NCAPD2: variants seen among roughly 807,000 people sequenced by gnomAD.
NCAPD2 encodes the protein non-SMC condensin I complex subunit D2.
Under a neutral mutation model 164.5 loss-of-function variants are expected in NCAPD2, and 100 were observed. The observed-to-expected ratio is 0.61, with a 90% CI of 0.52 to 0.72. NCAPD2 has a LOEUF of 0.72. Ranked by LOEUF, NCAPD2 falls within the 30% of genes least tolerant of loss-of-function variation. The pLI, the probability that NCAPD2 is intolerant of heterozygous loss-of-function variation, is 0.00. For synonymous variants in NCAPD2, 585 were observed against 642.6 expected, an observed-to-expected ratio of 0.91 and a Z score of 1.36; for missense variants, 1,560 against 1,749.2, an observed-to-expected ratio of 0.89 and a Z score of 1.93.
intron 2 of NCAPD2, among the ~76,000 whole-genome samples, chr12:6,505,700 G>A (rs1389884552): frequency 6.6e-6 from 1 of 151,876 alleles, no homozygotes; most frequent in African/African-American, 2.4e-5. Flanking sequence ...TTAGCCAGGT[G>A]TGGTAAATAT....
chr12:6,518,922 G>T (rs1311625981), intron 13 of NCAPD2, among the ~76,000 whole-genome samples: 1 of 151,570 alleles, frequency 6.6e-6, no homozygotes, highest in Non-Finnish European at 1.5e-5. Context: ...GTCTTGCTCT[G>T]TTGCCCAGGC....
chr12:6,530,064 T>TA, intron 29 of NCAPD2, 106 bp downstream of exon 29: 1 of 1,280,952 alleles, frequency 7.8e-7, no homozygotes, highest in Non-Finnish European at 1.1e-6. Context: ...CCGTCCTCCT[T>TA]ATCCCCAGCT....
Position 6,528,396 on chromosome 12 carries a change from G to A in NCAPD2, c.3299+68G>A. 7 of 1,587,242 alleles carry A rather than the reference G, an allele frequency of 4.4e-6. No individual in the cohort carries two copies. Among genetic ancestry groups the A allele is most frequent in the Non-Finnish European group, 6.0e-6 (7 of 1,158,522 alleles). The stretch of plus-strand genomic sequence containing the variant: ...CGGAGTCTGTTGAGAGTCAGTGTGA[G>A]AATCACCAGGGCTCTTCCCCTAGGC... On this transcript the variant is annotated intron_variant, in intron 25 of 31. Transcript: ENST00000315579. The surrounding 1 kb of genome is among the most constrained non-coding windows in gnomAD (Gnocchi z 5.1).
chr12:6,514,530 C>T lies in NCAPD2; in HGVS notation c.782C>T (p.Ala261Val). The change falls in exon 8 of 32, where the codon GCC becomes GTC. Residue 261 changes from alanine (A) to valine (V), a missense_variant. Coordinates refer to ENST00000315579, the MANE Select transcript of NCAPD2 (RefSeq NM_014865.4). ...CACCTGGCACCTGTACTGGTTGCAGCCGTGAGTCTATGGGCAACTGACTAT... is the reference window on the plus strand; with the variant it reads ...CACCTGGCACCTGTACTGGTTGCAGTCGTGAGTCTATGGGCAACTGACTAT... Reference protein sequence around the residue: ...FEHLAPVLVAAVSLWATDYGM... With the variant: ...FEHLAPVLVAVVSLWATDYGM... The T allele has an allele frequency of 1.2e-6, 2 of 1,614,180 alleles. No individual in the cohort carries two copies. Among genetic ancestry groups the T allele is most frequent in the Non-Finnish European group, 1.7e-6 (2 of 1,180,040 alleles).
Position 6,517,782 on chromosome 12 carries a change from C to T in NCAPD2, c.1412C>T (p.Ala471Val), listed in dbSNP as rs1465122570. Reference sequence around the variant, plus strand: ...ACTAAGTGACACTCTCATTTAGCTGCAGTGCTGGACCCAGAGGAGGAGTGG... The same window carrying T: ...ACTAAGTGACACTCTCATTTAGCTGTAGTGCTGGACCCAGAGGAGGAGTGG... ...RAQRRTAAAS[A>V]VLDPEEEWEA... The change falls in exon 13 of 32, where the codon GCA becomes GTA. Residue 471 changes from alanine to valine, a missense_variant. Transcript: ENST00000315579. 3 of 1,614,004 alleles carry T rather than the reference C, an allele frequency of 1.9e-6. No individual in the cohort carries two copies. The highest frequency in any genetic ancestry group is 1.3e-5 in the African/African-American group (1 of 74,930).
chr12:6,529,464 G>A, intron 27 of NCAPD2, 49 bp from the exon 28 acceptor site: 3 of 1,546,616 alleles, frequency 1.9e-6, no homozygotes, highest in Non-Finnish European at 2.7e-6. Context: ...TTAGTGGATG[G>A]CAGAGCTGGC....
At chr12:6,513,811 G>T (rs1038071709) in intron 6 of NCAPD2, among the ~76,000 whole-genome samples, 3 of 145,770 alleles carry the variant, frequency 2.1e-5, no homozygotes, top group African/African-American at 7.7e-5. Flanking sequence ...CACCTCCCAG[G>T]TTCAAGGGAT....
Position 6,517,964 on chromosome 12 carries a change from G to A in NCAPD2, c.1589+5G>A, listed in dbSNP as rs1331240541. 6.2e-7 allele frequency: 1 copy of A among 1,612,648 alleles called. No homozygotes were observed. The highest frequency in any genetic ancestry group is 8.5e-7 in the Non-Finnish European group (1 of 1,179,516). On this transcript the variant is annotated splice_donor_5th_base_variant and intron_variant, in intron 13 of 31. Coordinates refer to ENST00000315579, the MANE Select transcript of NCAPD2 (RefSeq NM_014865.4). ...GCTTGCCAAAGCTAGTTACAAGTAG[G>A]CAAAAGAATGGGATATTCTTCGTGA... is the stretch of plus-strand genomic sequence containing the variant.
rs938591388 is a variant in NCAPD2, at chr12:6,518,513, T to G, written c.1589+554T>G. Among the ~76,000 whole-genome samples, 467 of 105,288 alleles carry G rather than the reference T, an allele frequency of 4.4e-3. 37 individuals carry two copies. In the East Asian group the frequency reaches 0.045, roughly 10 times the overall value. The allele number at this position is 105,288 out of a possible 152,430, so 69.1% of individuals were successfully genotyped here. On this transcript the variant is annotated intron_variant, in intron 13 of 31. Coordinates refer to ENST00000315579, the MANE Select transcript of NCAPD2 (RefSeq NM_014865.4). ...TTACAGCCGTCAACAAGTTTTTTTT[T>G]TTTTTTTTTTTTTTTTTTTTTGAGA...
Position 6,528,635 on chromosome 12 carries a change from A to G in NCAPD2, c.3300-44A>G. ...GCCTTTTCTACCAGTGTTAGGGTGT[A>G]GCCCGGAGGTCTCGGTCCCCATGAC... On this transcript the variant is annotated intron_variant, in intron 25 of 31. Transcript: ENST00000315579. This position sits in a 1 kb window ranked among gnomAD's most constrained non-coding sequence, Gnocchi z 5.1. 1 of 1,583,270 alleles carries G rather than the reference A, an allele frequency of 6.3e-7. No homozygotes were observed. The highest frequency in any genetic ancestry group is 8.6e-7 in the Non-Finnish European group (1 of 1,158,036).
chr12:6,529,663 C>T, intron 28 of NCAPD2, 70 bp downstream of exon 28: 5 of 1,603,142 alleles, frequency 3.1e-6, no homozygotes, highest in Non-Finnish European at 3.4e-6. Context: ...CCATCCCTCA[C>T]CCCTTCAATG....
chr12:6,504,182 C>CAT (rs1176237960), intron 2 of NCAPD2, among the ~76,000 whole-genome samples: 3,553 of 57,254 alleles, frequency 0.062, 104 homozygotes, highest in East Asian at 0.16. Flanking sequence ...TATATATATA[C>CAT]ATATATATAT....
intron 2 of NCAPD2, among the ~76,000 whole-genome samples, chr12:6,507,356 T>A (rs112279435): frequency 6.6e-6 from 1 of 151,856 alleles, no homozygotes; most frequent in African/African-American, 2.4e-5. Context: ...ACTTTGGGAG[T>A]GTTGGGAATA....
chr12:6,526,240 C>T, intron 19 of NCAPD2, 40 bp downstream of exon 19: 1 of 1,614,084 alleles, frequency 6.2e-7, no homozygotes, highest in Non-Finnish European at 8.5e-7. Flanking sequence ...AGTGGAGATT[C>T]TCGTGTCCAC....
intron 2 of NCAPD2, among the ~76,000 whole-genome samples, chr12:6,497,417 T>G (rs932212530): frequency 1.3e-5 from 2 of 152,018 alleles, no homozygotes; most frequent in Admixed American, 6.6e-5. Flanking sequence ...AAGCCCAGCA[T>G]GTATTAGCTA....
chr12:6,497,199 A>G (rs1471044046), intron 2 of NCAPD2, among the ~76,000 whole-genome samples: 1 of 152,230 alleles, frequency 6.6e-6, no homozygotes, highest in Non-Finnish European at 1.5e-5. Context: ...TATTCTGTCC[A>G]TATCATGTGG....
chr12:6,523,624 C>G (rs947309858), intron 17 of NCAPD2, among the ~76,000 whole-genome samples: 2 of 152,144 alleles, frequency 1.3e-5, no homozygotes, highest in African/African-American at 4.8e-5. Context: ...GTCTCGAACC[C>G]TTGACCTCGT....
Position 6,530,831 on chromosome 12 carries a change from C to A in NCAPD2, c.3964+14C>A. The A allele has an allele frequency of 6.2e-7, 1 of 1,614,146 alleles. No individual in the cohort carries two copies. Among genetic ancestry groups the A allele is most frequent in the African/African-American group, 1.3e-5 (1 of 75,042 alleles). On this transcript the variant is annotated intron_variant, in intron 30 of 31. Transcript: ENST00000315579. ...AACCATCCACTGGTACGTAAGGCAG[C>A]CTGTGCGGGCGAGACCAGACTGGGC... is the stretch of plus-strand genomic sequence containing the variant.
At chr12:6,524,951 T>TC (rs565030109) in intron 17 of NCAPD2, among the ~76,000 whole-genome samples, 47 of 152,210 alleles carry the variant, frequency 3.1e-4, no homozygotes, top group African/African-American at 1.1e-3. Context: ...GCAAAAGCCC[T>TC]ACAAGAGGCA....
Sources: gnomAD v4.1 joint callset for allele counts (sites outside exome capture counted in the v4.1 genomes callset) on GRCh38, gnomAD v4.1.1 for gene constraint, Gnocchi (gnomAD v3.1) non-coding constraint, MANE v1.5 for transcripts, NCBI Gene and HGNC (gene_info 2026-07-23, HGNC 2026-07-21) for gene names.